PAM: variants seen among roughly 807,000 people sequenced by gnomAD.
PAM encodes peptidylglycine alpha-amidating monooxygenase.
A neutral mutation model predicts 122.1 loss-of-function variants in PAM; 72 were observed. That is an observed-to-expected ratio of 0.59 (90% CI 0.49 to 0.72). The LOEUF is 0.72. PAM is among the 30% of genes least tolerant of loss of function. The pLI, the probability that PAM is intolerant of heterozygous loss-of-function variation, is 0.00. For synonymous variants in PAM, 389 were observed against 404.4 expected, an observed-to-expected ratio of 0.96 and a Z score of 0.46; for missense variants, 1,106 against 1,183.7, an observed-to-expected ratio of 0.93 and a Z score of 0.96.
intron 1 of PAM, among the ~76,000 whole-genome samples, chr5:102,807,839 G>A (rs1031635202): frequency 2.6e-5 from 4 of 152,196 alleles, no homozygotes; most frequent in Non-Finnish European, 5.9e-5. Context: ...CTTCGTCAGA[G>A]CTTCAGATGT....
At chr5:102,914,864 G>C (rs1210643803) in intron 5 of PAM, among the ~76,000 whole-genome samples, 1 of 152,176 alleles carries the variant, frequency 6.6e-6, no homozygotes, top group South Asian at 2.1e-4. Context: ...TTATTAGAAA[G>C]TATTTGAATC....
chr5:103,026,057 C>T (rs7731395), intron 24 of PAM, among the ~76,000 whole-genome samples: 1 of 152,028 alleles, frequency 6.6e-6, no homozygotes, highest in East Asian at 1.9e-4. Flanking sequence ...CATAATTTAG[C>T]TCATCAGCCT....
chr5:102,964,992 C>T (rs1763625076), intron 14 of PAM, among the ~76,000 whole-genome samples: 1 of 151,772 alleles, frequency 6.6e-6, no homozygotes, highest in South Asian at 2.1e-4. Flanking sequence ...TTAAAACAAA[C>T]TAAAATGTCA....
intron 1 of PAM, among the ~76,000 whole-genome samples, chr5:102,762,483 T>G (rs1752622866): frequency 6.6e-6 from 1 of 152,184 alleles, no homozygotes; most frequent in Non-Finnish European, 1.5e-5. Context: ...GTTTATTGCA[T>G]GAGTCACTGA....
intron 12 of PAM, among the ~76,000 whole-genome samples, chr5:102,956,209 T>C (rs1200562464): frequency 1.3e-5 from 2 of 152,074 alleles, no homozygotes; most frequent in Non-Finnish European, 2.9e-5. Context: ...AAATCACGTG[T>C]GTAAAGGCAA....
At chr5:102,797,704 A>G (rs995898215) in intron 1 of PAM, among the ~76,000 whole-genome samples, 2 of 152,208 alleles carry the variant, frequency 1.3e-5, no homozygotes, top group African/African-American at 4.8e-5. Flanking sequence ...GGTTTTAAGA[A>G]TATTTAAGTA....
chr5:102,951,907 G>A (rs1338029295), intron 12 of PAM, among the ~76,000 whole-genome samples: 8 of 151,970 alleles, frequency 5.3e-5, no homozygotes. Context: ...TATGGGAAAC[G>A]ATGATGGTAA....
At chr5:102,854,343 C>A (rs1782076571) in intron 1 of PAM, among the ~76,000 whole-genome samples, 1 of 152,236 alleles carries the variant, frequency 6.6e-6, no homozygotes, top group Middle Eastern at 3.4e-3. Flanking sequence ...ATGGGAATGA[C>A]TTCTCTATAC....
At chr5:102,944,326 G>C (rs1255969146) in intron 7 of PAM, among the ~76,000 whole-genome samples, 1 of 152,024 alleles carries the variant, frequency 6.6e-6, no homozygotes, top group Non-Finnish European at 1.5e-5. Flanking sequence ...TCAGTTCTCT[G>C]TAAATACAGG....
intron 16 of PAM, among the ~76,000 whole-genome samples, chr5:102,996,378 T>C (rs2150904339): frequency 6.6e-6 from 1 of 152,182 alleles, no homozygotes; most frequent in Middle Eastern, 3.4e-3. Context: ...TAATGTGGAG[T>C]AGCTGCTTTA....
At chr5:102,807,064 G>T (rs1188559412) in intron 1 of PAM, among the ~76,000 whole-genome samples, 3 of 152,132 alleles carry the variant, frequency 2.0e-5, no homozygotes, top group African/African-American at 2.4e-5. Flanking sequence ...CTTCATTTTT[G>T]ATTGTGATAT....
chr5:102,973,093 T>C (rs559938906), intron 14 of PAM, among the ~76,000 whole-genome samples: 1 of 152,340 alleles, frequency 6.6e-6, no homozygotes, highest in African/African-American at 2.4e-5. Flanking sequence ...GTGCTGTAAA[T>C]GTAATTAAAA....
At chr5:102,913,078 C>T (rs1322563786) in intron 4 of PAM, among the ~76,000 whole-genome samples, 1 of 151,844 alleles carries the variant, frequency 6.6e-6, no homozygotes, top group Non-Finnish European at 1.5e-5. Flanking sequence ...TTTGCACACA[C>T]CTGAGATTTA....
intron 11 of PAM, 76 bp from the exon 12 acceptor site, chr5:102,950,641 C>T: frequency 1.1e-6 from 1 of 893,798 alleles, no homozygotes; most frequent in South Asian, 1.4e-5. Flanking sequence ...GAGGAACATA[C>T]CTCAACACAG....
At chr5:102,808,349 T>A (rs1766818739) in intron 1 of PAM, 1 of 152,232 alleles carries the variant, frequency 6.6e-6, no homozygotes, top group South Asian at 2.1e-4. Flanking sequence ...GAGCATCCAG[T>A]CAATTACTTA....
At chr5:102,897,304 T>C (rs1195844979) in intron 3 of PAM, among the ~76,000 whole-genome samples, 1 of 151,616 alleles carries the variant, frequency 6.6e-6, no homozygotes, top group Non-Finnish European at 1.5e-5. Flanking sequence ...ATAGAGACTA[T>C]TACCAACTTT....
chr5:102,923,041 T>G lies in PAM; in HGVS notation c.357-1916T>G, dbSNP rs112383163. 5.1e-3 allele frequency among the ~76,000 whole-genome samples: 773 copies of G among 152,288 alleles called. 7 individuals carry two copies. The highest frequency in any genetic ancestry group is 0.018 in the African/African-American group (740 of 41,550). On this transcript the variant is annotated intron_variant, in intron 5 of 25. Coordinates refer to ENST00000438793, the MANE Select transcript of PAM (RefSeq NM_001177306.2). ...TTGACAGTGAACAGGAAGAAACCAC[T>G]AGTTGATGTCTTTTATATTACACAT...
intron 12 of PAM, among the ~76,000 whole-genome samples, chr5:102,959,305 C>T (rs149759587): frequency 7.4e-4 from 113 of 152,116 alleles, no homozygotes; most frequent in African/African-American, 2.6e-3. Flanking sequence ...CAGGGATACA[C>T]TTTGAATGTC....
At chr5:102,785,758 C>G (rs1018069906) in intron 1 of PAM, among the ~76,000 whole-genome samples, 2 of 151,844 alleles carry the variant, frequency 1.3e-5, no homozygotes, top group Non-Finnish European at 2.9e-5. Flanking sequence ...CTTCAAGCAT[C>G]TAGTAAGAGA....
Sources: gnomAD v4.1 joint callset for allele counts (sites outside exome capture counted in the v4.1 genomes callset) on GRCh38, gnomAD v4.1.1 for gene constraint, MANE v1.5 for transcripts, NCBI Gene and HGNC (gene_info 2026-07-23, HGNC 2026-07-21) for gene names.